CADM1: variants seen among roughly 807,000 people sequenced by gnomAD.
The protein encoded by CADM1 is TSLC-1.
CADM1 carries 15 observed loss-of-function variants against 53.1 expected under a neutral mutation model. The ratio of observed to expected loss-of-function variants is 0.28; its 90% CI spans 0.19 to 0.44. The LOEUF (loss-of-function observed/expected upper bound fraction) is 0.44, where lower values mean the gene tolerates loss of function less well. Among genes scored for constraint, CADM1 ranks in the 20% least tolerant of loss-of-function variants. The pLI, the probability that CADM1 is intolerant of heterozygous loss-of-function variation, is 1.00. For missense variants in CADM1, 434 were observed against 611.3 expected (o/e 0.71, Z 3.06); for synonymous variants, 281 against 243.0 (o/e 1.16, Z -1.45).
intron 1 of CADM1, among the ~76,000 whole-genome samples, chr11:115,253,560 T>A (rs765275287): frequency 3.6e-4 from 55 of 152,334 alleles, no homozygotes; most frequent in Middle Eastern, 6.8e-3. Flanking sequence ...ATGACACTAA[T>A]AGATATTCTT....
rs554367922 is a variant in CADM1, at chr11:115,288,194, G to A, written c.125-47774C>T. On this transcript the variant is annotated intron_variant, in intron 1 of 11. Coordinates refer to ENST00000331581, the MANE Select transcript of CADM1 (RefSeq NM_001301043.2). ...GGGAGAATGGCCTTGGTGTGTTCCA[G>A]AAACAGCAAGGAAGCCAGCATGATC... Among the ~76,000 whole-genome samples, 3 of 152,314 alleles carry A rather than the reference G, an allele frequency of 2.0e-5. No individual in the cohort carries two copies. The South Asian group carries it at 6.2e-4, about 32-fold the overall frequency.
intron 1 of CADM1, among the ~76,000 whole-genome samples, chr11:115,272,383 G>A (rs919248551): frequency 6.6e-6 from 1 of 151,764 alleles, no homozygotes; most frequent in Non-Finnish European, 1.5e-5. Flanking sequence ...ATAGTAATGA[G>A]TTCCACATTT....
rs998887253 is a variant in CADM1, at chr11:115,174,320, GA to G, written c.*2153del. ...TTCTTTTTTTCTAAAAAGAACAACT[GA>G]AAAAAAACCTTTCAACAACATGCTA... On this transcript the variant is annotated 3_prime_UTR_variant, in exon 12 of 12. Coordinates refer to ENST00000331581, the MANE Select transcript of CADM1 (RefSeq NM_001301043.2). 2 of 981,970 alleles carry G rather than the reference GA, an allele frequency of 2.0e-6. No individual in the cohort carries two copies. The highest frequency in any genetic ancestry group is 1.1e-4 in the East Asian group (1 of 8,784). The allele number at this position is 981,970 out of a possible 1,614,324, so 60.8% of individuals were successfully genotyped here.
chr11:115,403,380 G>T (rs570742249), intron 1 of CADM1, among the ~76,000 whole-genome samples: 1 of 152,128 alleles, frequency 6.6e-6, no homozygotes, highest in Non-Finnish European at 1.5e-5. Flanking sequence ...AGCAGCAAAA[G>T]GTTGTTAGTG....
intron 1 of CADM1, among the ~76,000 whole-genome samples, chr11:115,404,341 AAAAAAATATAT>A (rs1240896841): frequency 2.6e-4 from 11 of 42,458 alleles, no homozygotes; most frequent in African/African-American, 8.2e-4. Context: ...AAAAAAAAAA[AAAAAAATATAT>A]ATATATATAT....
chr11:115,242,782 T>C (rs1942285663), intron 1 of CADM1, among the ~76,000 whole-genome samples: 3 of 152,222 alleles, frequency 2.0e-5, no homozygotes, highest in Non-Finnish European at 1.5e-5. Flanking sequence ...GCATTAATCC[T>C]TTCAACATAA....
At chr11:115,266,701 G>A (rs1943150036) in intron 1 of CADM1, among the ~76,000 whole-genome samples, 1 of 152,134 alleles carries the variant, frequency 6.6e-6, no homozygotes. Flanking sequence ...ATTCCGTGCA[G>A]CTCAGTAAGC....
intron 1 of CADM1, among the ~76,000 whole-genome samples, chr11:115,462,483 C>T (rs1591269599): frequency 6.6e-6 from 1 of 152,118 alleles, no homozygotes; most frequent in Admixed American, 6.6e-5. Context: ...GACCTGTGCT[C>T]AGTAAGGTGT....
chr11:115,345,647 C>T (rs921675676), intron 1 of CADM1, among the ~76,000 whole-genome samples: 3 of 152,206 alleles, frequency 2.0e-5, no homozygotes, highest in Non-Finnish European at 2.9e-5. Flanking sequence ...GCTTTACCCA[C>T]TCCCAACAAC....
Position 115,368,110 on chromosome 11 carries a change from CTTTTTTTTTTTT to C in CADM1, c.125-127702_125-127691del, listed in dbSNP as rs58589028. On this transcript the variant is annotated intron_variant, in intron 1 of 11. Coordinates refer to ENST00000331581, the MANE Select transcript of CADM1 (RefSeq NM_001301043.2). ...AAAATGTCTTTATTATCACTAGAGT[CTTTTTTTTTTTT>C]TTTTTTTTTTTTTTTTTACTTTCCG... is the stretch of plus-strand genomic sequence containing the variant. Among the ~76,000 whole-genome samples, 16 of 61,878 alleles carry C rather than the reference CTTTTTTTTTTTT, an allele frequency of 2.6e-4. 1 individual carries two copies. The East Asian group carries it at 6.9e-3, about 27-fold the overall frequency. The allele number at this position is 61,878 out of a possible 152,430, so 40.6% of individuals were successfully genotyped here.
At chr11:115,472,927 C>T (rs1332634699) in intron 1 of CADM1, among the ~76,000 whole-genome samples, 1 of 152,130 alleles carries the variant, frequency 6.6e-6, no homozygotes, top group Non-Finnish European at 1.5e-5. Flanking sequence ...CTGTGATCTA[C>T]TTGTCATATG....
intron 1 of CADM1, among the ~76,000 whole-genome samples, chr11:115,241,414 C>T (rs1942225220): frequency 6.6e-6 from 1 of 152,224 alleles, no homozygotes; most frequent in Non-Finnish European, 1.5e-5. Flanking sequence ...CTTATCCCTA[C>T]TTACAGAACA....
intron 5 of CADM1, among the ~76,000 whole-genome samples, chr11:115,219,497 A>G (rs1941323718): frequency 6.6e-6 from 1 of 152,186 alleles, no homozygotes; most frequent in Non-Finnish European, 1.5e-5. Flanking sequence ...CTTGCCAGAG[A>G]ACGTAAAGTT....
chr11:115,440,824 G>A (rs111500206), intron 1 of CADM1, among the ~76,000 whole-genome samples: 242 of 151,948 alleles, frequency 1.6e-3, no homozygotes, highest in African/African-American at 5.5e-3. Flanking sequence ...CATTGCCCAC[G>A]CTAGCGTACA....
chr11:115,201,307 T>C (rs1035514328), intron 8 of CADM1, among the ~76,000 whole-genome samples: 3 of 152,208 alleles, frequency 2.0e-5, no homozygotes, highest in African/African-American at 7.2e-5. Context: ...GCATCTGGTA[T>C]GCTACTTGAA....
intron 1 of CADM1, among the ~76,000 whole-genome samples, chr11:115,424,025 A>G (rs1947825776): frequency 6.6e-6 from 1 of 152,192 alleles, no homozygotes; most frequent in African/African-American, 2.4e-5. Context: ...GTTGAATGGG[A>G]GTACCAGGGG....
rs1348914417 is a variant in CADM1 at position 115,209,669 on chromosome 11, A to C, written c.995-12T>G. ...AGTTGTGGGGGGATCTGGATAGAAA[A>C]AAAAAGGAAAATCAAACCCACAATG... On this transcript the variant is annotated splice_polypyrimidine_tract_variant and intron_variant, in intron 7 of 11. Coordinates refer to ENST00000331581, the MANE Select transcript of CADM1 (RefSeq NM_001301043.2). 2 of 1,612,508 alleles carry C rather than the reference A, an allele frequency of 1.2e-6. No individual in the cohort carries two copies. Among genetic ancestry groups the C allele is most frequent in the Middle Eastern group, 1.7e-4 (1 of 6,052 alleles).
At position 115,209,754 on chromosome 11, in the gene CADM1, T is replaced by A. The variant is rs1022072320; in HGVS notation, c.995-97A>T. On this transcript the variant is annotated intron_variant, in intron 7 of 11. Coordinates refer to ENST00000331581, the MANE Select transcript of CADM1 (RefSeq NM_001301043.2). The stretch of plus-strand genomic sequence containing the variant: ...AGGCATGAGGACATTGAGATGTTTG[T>A]TTGATGGCTTCCCCCTTTAAAACCA... The A allele has an allele frequency of 7.6e-6, 11 of 1,452,272 alleles. No homozygotes were observed. The African/African-American group carries it at 1.1e-4, about 15-fold the overall frequency. The allele number at this position is 1,452,272 out of a possible 1,614,324, so 90.0% of individuals were successfully genotyped here. A position where few individuals can be genotyped will look rare whatever the true frequency, so the allele number is the denominator to read the frequency against.
In CADM1 at chr11:115,340,839, T is replaced by G. The variant is rs550751556; in HGVS notation, c.125-100419A>C. ...TCACCCCCAGCTAATTTTTGTATTT[T>G]TAGTAGAGACGGGGGTTTCTCAATG... is the stretch of plus-strand genomic sequence containing the variant. On this transcript the variant is annotated intron_variant, in intron 1 of 11. Coordinates refer to ENST00000331581, the MANE Select transcript of CADM1 (RefSeq NM_001301043.2). Among the ~76,000 whole-genome samples, 10 of 150,658 alleles carry G rather than the reference T, an allele frequency of 6.6e-5. No individual in the cohort carries two copies. The South Asian group carries it at 1.0e-3, about 16-fold the overall frequency.
Sources: allele counts gnomAD v4.1 joint callset (sites outside exome capture counted in the v4.1 genomes callset), GRCh38; gene constraint gnomAD v4.1.1; transcripts MANE v1.5; gene names NCBI Gene and HGNC (gene_info 2026-07-23, HGNC 2026-07-21).